Variants in SPTB observed in about 807,000 individuals in gnomAD.
The protein encoded by SPTB is spectrin beta chain, erythrocytic.
Under a neutral mutation model 256.2 loss-of-function variants are expected in SPTB, and 45 were observed. The observed-to-expected ratio is 0.18, with a 90% CI of 0.14 to 0.23. The LOEUF (loss-of-function observed/expected upper bound fraction) is 0.23. Ranked by LOEUF, SPTB falls within the 10% of genes least tolerant of loss-of-function variation. The pLI, the probability that SPTB is intolerant of heterozygous loss-of-function variation, is 1.00. For synonymous variants in SPTB, 1,231 were observed against 1,243.1 expected, an observed-to-expected ratio of 0.99 and a Z score of 0.21; for missense variants, 2,715 against 3,040.4, an observed-to-expected ratio of 0.89 and a Z score of 2.52.
Position 64,749,445 on chromosome 14 carries a change from A to G in SPTB, c.6848T>C (p.Val2283Ala), listed in dbSNP as rs1274520787. ...EEEMLSWLQG[V>A]STAINESQSI... ...CTGGGACTCGTTGATGGCGGTGCTC[A>G]CGCCCTGCAGCCAGGACAGCATCTC... The change falls in exon 36 of 36, where the codon GTG (valine) becomes GCG (alanine). Residue 2283 changes from valine (V) to alanine (A), a missense_variant. Transcript: ENST00000644917. This position sits in a 1 kb window ranked among gnomAD's most constrained non-coding sequence, Gnocchi z 4.7. 3.1e-6 allele frequency: 5 copies of G among 1,602,358 alleles called. No individual in the cohort carries two copies. Among genetic ancestry groups the G allele is most frequent in the Non-Finnish European group, 4.2e-6 (5 of 1,178,726 alleles).
intron 12 of SPTB, 95 bp from the exon 13 acceptor site, chr14:64,794,712 C>G (rs1485333048): frequency 1.3e-6 from 2 of 1,548,690 alleles, no homozygotes; most frequent in Non-Finnish European, 1.8e-6. Context: ...CTCTAGTAAT[C>G]TGAGCAAGGG....
intron 5 of SPTB, 33 bp from the exon 6 acceptor site, chr14:64,801,867 T>A: frequency 6.3e-7 from 1 of 1,599,364 alleles, no homozygotes; most frequent in Non-Finnish European, 8.6e-7. Context: ...GAGCTAAGAA[T>A]TAGATTTTTT....
intron 1 of SPTB, among the ~76,000 whole-genome samples, chr14:64,879,258 G>A (rs1454741650): frequency 1.3e-5 from 2 of 152,170 alleles, no homozygotes; most frequent in African/African-American, 2.4e-5. Context: ...CCGGAGGCCC[G>A]GCCCCCTCTG....
Position 64,779,027 on chromosome 14 carries a change from C to G in SPTB, c.4563+130G>C, listed in dbSNP as rs1376429323. The G allele has an allele frequency of 3.3e-5, 25 of 746,860 alleles. No individual in the cohort carries two copies. In the Admixed American group the frequency reaches 5.2e-4, roughly 16 times the overall value. 46.3% of individuals were successfully genotyped at this position (746,860 alleles called of 1,614,324 possible). On this transcript the variant is annotated intron_variant, in intron 22 of 35. Coordinates refer to ENST00000644917, the MANE Select transcript of SPTB (RefSeq NM_001355436.2). This position sits in a 1 kb window ranked among gnomAD's most constrained non-coding sequence, Gnocchi z 4.2. The stretch of plus-strand genomic sequence containing the variant: ...AGATTACCAATACGGTTTGGAGACC[C>G]CAAAGCTACCAACAAGAACAATAAT...
At chr14:64,842,568 C>T (rs555320732) in intron 1 of SPTB, among the ~76,000 whole-genome samples, 1 of 152,300 alleles carries the variant, frequency 6.6e-6, no homozygotes, top group African/African-American at 2.4e-5. Flanking sequence ...CACCTCACAG[C>T]ACTGCTGTTT....
At position 64,852,457 on chromosome 14, in the gene SPTB, T is replaced by C. The variant is rs1326414684; in HGVS notation, c.-52+27335A>G. Among the ~76,000 whole-genome samples the C allele has an allele frequency of 3.3e-5, 5 of 151,936 alleles. No individual in the cohort carries two copies. Among genetic ancestry groups the C allele is most frequent in the Non-Finnish European group, 5.9e-5 (4 of 67,966 alleles). On this transcript the variant is annotated intron_variant, in intron 1 of 35. Coordinates refer to ENST00000644917, the MANE Select transcript of SPTB (RefSeq NM_001355436.2). The surrounding 1 kb of genome is among the most constrained non-coding windows in gnomAD (Gnocchi z 4.2). Reference sequence around the variant, plus strand: ...TGGCTAGGCTTGCCTTCTAGAAAGATCCCTTTGGCAGGCATATGGAGTGAT... The same window carrying C: ...TGGCTAGGCTTGCCTTCTAGAAAGACCCCTTTGGCAGGCATATGGAGTGAT...
At chr14:64,854,775 A>T (rs2083845642) in intron 1 of SPTB, among the ~76,000 whole-genome samples, 1 of 152,196 alleles carries the variant, frequency 6.6e-6, no homozygotes, top group African/African-American at 2.4e-5. Flanking sequence ...CCGGCAGGCC[A>T]AGGCCTCCAA....
Position 64,786,435 on chromosome 14 carries a change from G to C in SPTB, c.3530C>G (p.Ala1177Gly), listed in dbSNP as rs1490223841. The change falls in exon 16 of 36, where the codon GCC becomes GGC. Residue 1177 changes from alanine to glycine, a missense_variant. Physicochemically the swap from Ala to Gly is moderately conservative, Grantham distance 60. This residue lies in a region of SPTB where 2,239 missense variants were observed against 2,384.4 expected (regional missense o/e 0.94). Transcript: ENST00000644917. This position sits in a 1 kb window ranked among gnomAD's most constrained non-coding sequence, Gnocchi z 5.6. Reference sequence around the variant, plus strand: ...GCTGAGGATGGCTTCAGCCTGCTTGGCATCTTTCTGGAACTCCTGGAAGCC... The same window carrying C: ...GCTGAGGATGGCTTCAGCCTGCTTGCCATCTTTCTGGAACTCCTGGAAGCC... ...CLGFQEFQKD[A>G]KQAEAILSNQ... is the part of the protein sequence containing the mutation. The C allele has an allele frequency of 1.9e-6, 3 of 1,614,146 alleles. No individual in the cohort carries two copies. In the Admixed American group the frequency reaches 5.0e-5, roughly 27 times the overall value.
In SPTB at chr14:64,772,034, C is replaced by T. The variant is rs2082285343; in HGVS notation, c.5553+546G>A. ...TCCAGTGATGGGGCAGGGGTCTGAA[C>T]AGTAGAACTTGGGGGCTCTCCAGCT... On this transcript the variant is annotated intron_variant, in intron 26 of 35. Coordinates refer to ENST00000644917, the MANE Select transcript of SPTB (RefSeq NM_001355436.2). This position sits in a 1 kb window ranked among gnomAD's most constrained non-coding sequence, Gnocchi z 5.4. Among the ~76,000 whole-genome samples the T allele has an allele frequency of 6.6e-6, 1 of 152,182 alleles. No individual in the cohort carries two copies. Among genetic ancestry groups the T allele is most frequent in the Admixed American group, 6.5e-5 (1 of 15,280 alleles).
chr14:64,756,186 A>C (rs1288303803), intron 32 of SPTB: 1 of 152,164 alleles, frequency 6.6e-6, no homozygotes, highest in African/African-American at 2.4e-5. Flanking sequence ...CATCTTTCAG[A>C]GTGTATTGTC....
In SPTB at chr14:64,754,168, C is replaced by T. The variant is rs1276876078; in HGVS notation, c.6346-375G>A. 7 of 375,060 alleles carry T rather than the reference C, an allele frequency of 1.9e-5. No individual in the cohort carries two copies. The Admixed American group carries it at 2.6e-4, about 14-fold the overall frequency. The allele number at this position is 375,060 out of a possible 1,614,324, so 23.2% of individuals were successfully genotyped here. A position where few individuals can be genotyped will look rare whatever the true frequency, so the allele number is the denominator to read the frequency against. ...AATGCTGCTGGCAAAGCTCTGGCCC[C>T]TCCCCTTGCTGCAGCCAGACACTCG... On this transcript the variant is annotated intron_variant, in intron 32 of 35. Coordinates refer to ENST00000644917, the MANE Select transcript of SPTB (RefSeq NM_001355436.2).
chr14:64,850,298 G>A (rs959030465), intron 1 of SPTB, among the ~76,000 whole-genome samples: 3 of 152,154 alleles, frequency 2.0e-5, no homozygotes, highest in African/African-American at 4.8e-5. Context: ...GGAGTGGTAG[G>A]ATAAGGGCCT....
chr14:64,808,213 C>A (rs2083021449), intron 2 of SPTB, among the ~76,000 whole-genome samples: 1 of 152,138 alleles, frequency 6.6e-6, no homozygotes, highest in Non-Finnish European at 1.5e-5. Flanking sequence ...GGGGTTTCAC[C>A]ATGTTGGTCA....
intron 2 of SPTB, among the ~76,000 whole-genome samples, chr14:64,815,436 C>T (rs2083172784): frequency 6.6e-6 from 1 of 152,212 alleles, no homozygotes; most frequent in South Asian, 2.1e-4. Flanking sequence ...TCTGACCTTC[C>T]TCATCTCTAG....
At chr14:64,875,740 A>G (rs188882683) in intron 1 of SPTB, among the ~76,000 whole-genome samples, 1 of 152,108 alleles carries the variant, frequency 6.6e-6, no homozygotes. Flanking sequence ...TTCCACAGTC[A>G]TTTTTGGCTT....
Position 64,802,008 on chromosome 14 carries a change from A to G in SPTB, c.567-174T>C, listed in dbSNP as rs1186404782. 6.6e-6 allele frequency among the ~76,000 whole-genome samples: 1 copy of G among 152,194 alleles called. No individual in the cohort carries two copies. The highest frequency in any genetic ancestry group is 1.9e-4 in the East Asian group (1 of 5,196). ...ACAGAGGCTCCCCCATCAGATGTGAACACCACACAGACCCCCCAGTCTGCC... is the reference window on the plus strand; with the variant it reads ...ACAGAGGCTCCCCCATCAGATGTGAGCACCACACAGACCCCCCAGTCTGCC... On this transcript the variant is annotated intron_variant, in intron 5 of 35. Coordinates refer to ENST00000644917, the MANE Select transcript of SPTB (RefSeq NM_001355436.2). The surrounding 1 kb of genome is among the most constrained non-coding windows in gnomAD (Gnocchi z 5.1).
chr14:64,810,785 T>C (rs772947707), intron 2 of SPTB, among the ~76,000 whole-genome samples: 3 of 151,866 alleles, frequency 2.0e-5, no homozygotes, highest in Non-Finnish European at 2.9e-5. Flanking sequence ...CCAAAAGCTA[T>C]AAAATAAAAA....
rs75000411 is a variant in SPTB at position 64,769,113 on chromosome 14, G to A, written c.5943C>T (p.Arg1981=). The change falls in exon 29 of 36, where the codon CGC becomes CGT. Residue 1981 remains arginine (R), a synonymous_variant. Transcript: ENST00000644917. ...TGGACATCACCTGCTGCAGTTTCTC[G>A]CGGATCTATGGGGAGGAAAGGGAGA... The part of the protein sequence containing the change: ...QRQHQASEEI[R]EKLQQVMSRR... 1.5e-4 allele frequency: 242 copies of A among 1,613,540 alleles called. 1 individual carries two copies. In the East Asian group the frequency reaches 2.5e-3, roughly 17 times the overall value.
intron 18 of SPTB, 144 bp from the exon 19 acceptor site, chr14:64,784,537 C>G (rs1443062707): frequency 8.9e-7 from 1 of 1,124,112 alleles, no homozygotes; most frequent in Non-Finnish European, 1.3e-6. Context: ...AGTTCTGGAT[C>G]CCTCTGTACC....
Sources: gnomAD v4.1 joint callset for allele counts (sites outside exome capture counted in the v4.1 genomes callset) on GRCh38, gnomAD v4.1.1 for gene constraint, gnomAD v4.1.1 regional missense constraint, Gnocchi (gnomAD v3.1) non-coding constraint, MANE v1.5 for transcripts, NCBI Gene and HGNC (gene_info 2026-07-23, HGNC 2026-07-21) for gene names.